EHMT1: variants seen among roughly 807,000 people sequenced by gnomAD.
EHMT1 encodes euchromatic histone lysine methyltransferase 1, also known as histone-lysine N-methyltransferase EHMT1.
Under a neutral mutation model 147.2 loss-of-function variants are expected in EHMT1, and 15 were observed. That is an observed-to-expected ratio of 0.10 (90% CI 0.07 to 0.16). The LOEUF is 0.16. Ranked by LOEUF, EHMT1 falls within the 10% of genes least tolerant of loss-of-function variation. The pLI is 1.00. For missense variants in EHMT1, 1,587 were observed against 1,772.4 expected (o/e 0.90, Z 1.88); for synonymous variants, 795 against 709.6 (o/e 1.12, Z -1.91).
At chr9:137,667,541 G>A (rs1045566472) in intron 1 of EHMT1, 3 of 152,322 alleles carry the variant, frequency 2.0e-5, no homozygotes, top group African/African-American at 7.2e-5. Context: ...GGCATGTGGG[G>A]AAAGCAGGAC....
At chr9:137,824,776 T>G (rs1955692399) in intron 25 of EHMT1, among the ~76,000 whole-genome samples, 2 of 152,244 alleles carry the variant, frequency 1.3e-5, no homozygotes, top group Non-Finnish European at 2.9e-5. Context: ...TTAAATTTCA[T>G]CTTCCAGTTG....
chr9:137,674,252 C>A (rs1941003434), intron 1 of EHMT1, among the ~76,000 whole-genome samples: 1 of 152,202 alleles, frequency 6.6e-6, no homozygotes, highest in Non-Finnish European at 1.5e-5. Context: ...ACCAGGGCCT[C>A]CTGAAGGCCA....
chr9:137,793,318 A>G (rs531276217), intron 16 of EHMT1, among the ~76,000 whole-genome samples: 29 of 152,254 alleles, frequency 1.9e-4, no homozygotes, highest in Non-Finnish European at 4.1e-4. Flanking sequence ...GAAGGCCCAC[A>G]AGGGCCATTT....
At chr9:137,621,615 G>GA (rs143474828) in intron 1 of EHMT1, among the ~76,000 whole-genome samples, 23 of 145,974 alleles carry the variant, frequency 1.6e-4, no homozygotes, top group Admixed American at 2.7e-4. Context: ...ACTGTCTCAG[G>GA]AAAAAAAAAA....
At chr9:137,834,659 G>C in intron 26 of EHMT1, 114 bp from the exon 27 acceptor site, 1 of 1,596,394 alleles carries the variant, frequency 6.3e-7, no homozygotes, top group Non-Finnish European at 8.6e-7. Flanking sequence ...CTGCGACCTG[G>C]GATGCGGCAC....
At chr9:137,743,302 T>G in intron 4 of EHMT1, 69 bp from the exon 5 acceptor site, 1 of 1,521,366 alleles carries the variant, frequency 6.6e-7, no homozygotes, top group Non-Finnish European at 8.8e-7. Context: ...GTCTCTTACC[T>G]TTGAAAAACA....
At chr9:137,780,947 A>G (rs1477501256) in intron 14 of EHMT1, among the ~76,000 whole-genome samples, 1 of 109,696 alleles carries the variant, frequency 9.1e-6, no homozygotes, top group South Asian at 3.4e-4. Flanking sequence ...CATCACTGAG[A>G]TGTGTGGTGA....
chr9:137,750,715 G>A (rs372120198), intron 6 of EHMT1, among the ~76,000 whole-genome samples: 1 of 152,294 alleles, frequency 6.6e-6, no homozygotes, highest in Admixed American at 6.5e-5. Flanking sequence ...GTAGTGGTGG[G>A]GACTGTGCAC....
chr9:137,664,952 C>T (rs1409371771), intron 1 of EHMT1: 1 of 152,164 alleles, frequency 6.6e-6, no homozygotes, highest in East Asian at 1.9e-4. Context: ...GTTGGTGCGT[C>T]TCCTCCCTGG....
chr9:137,702,539 C>T (rs566154929), intron 1 of EHMT1, among the ~76,000 whole-genome samples: 157 of 152,322 alleles, frequency 1.0e-3, no homozygotes, highest in Admixed American at 2.9e-3. Flanking sequence ...GCTCCCAAGG[C>T]CTTGGGCAGC....
At chr9:137,708,571 C>T (rs1056958400) in intron 1 of EHMT1, among the ~76,000 whole-genome samples, 5 of 152,132 alleles carry the variant, frequency 3.3e-5, no homozygotes, top group African/African-American at 7.2e-5. Context: ...CTAATGATAC[C>T]GCTCATGTAA....
intron 6 of EHMT1, chr9:137,747,789 C>T (rs1388904647): frequency 6.6e-6 from 1 of 152,168 alleles, no homozygotes; most frequent in Non-Finnish European, 1.5e-5. Context: ...ATTCTGGTGG[C>T]ACTGCAGAAG....
At chr9:137,801,100 T>C (rs1321704540) in intron 18 of EHMT1, 116 bp downstream of exon 18, 2 of 876,460 alleles carry the variant, frequency 2.3e-6, no homozygotes, top group Non-Finnish European at 3.7e-6. Flanking sequence ...CTTTGACCTC[T>C]TCCTGTGGCA....
chr9:137,800,680 A>G (rs776489423), intron 17 of EHMT1, 200 bp from the exon 18 acceptor site: 7 of 604,424 alleles, frequency 1.2e-5, no homozygotes, highest in South Asian at 1.9e-5. Flanking sequence ...TTCTGCCTTC[A>G]TCCTGCGCTT....
At chr9:137,808,813 C>G (rs759408388) in intron 18 of EHMT1, among the ~76,000 whole-genome samples, 13 of 152,138 alleles carry the variant, frequency 8.5e-5, no homozygotes, top group African/African-American at 1.4e-4. Flanking sequence ...ATCCCAGCTA[C>G]TGGGGAGGCT....
At chr9:137,726,087 C>CGTGTGTGT (rs34091165) in intron 3 of EHMT1, among the ~76,000 whole-genome samples, 10 of 150,742 alleles carry the variant, frequency 6.6e-5, no homozygotes, top group African/African-American at 2.2e-4. Flanking sequence ...GGTGCCTTGT[C>CGTGTGTGT]GTGTGTGTGT....
intron 1 of EHMT1, among the ~76,000 whole-genome samples, chr9:137,620,801 C>A (rs71510836): frequency 0.13 from 19,431 of 152,174 alleles, 1,739 homozygotes; most frequent in Admixed American, 0.28. Context: ...AATACATGAC[C>A]GATGAGCAAA....
At chr9:137,677,224 C>G (rs1941443097) in intron 1 of EHMT1, among the ~76,000 whole-genome samples, 1 of 152,074 alleles carries the variant, frequency 6.6e-6, no homozygotes. Flanking sequence ...ACCTCCACCT[C>G]CCAGGTTTAA....
Position 137,744,107 on chromosome 9 carries a change from T to C in EHMT1, c.1170+17T>C, listed in dbSNP as rs1948347397. 2 of 1,613,494 alleles carry C rather than the reference T, an allele frequency of 1.2e-6. No individual in the cohort carries two copies. Among genetic ancestry groups the C allele is most frequent in the African/African-American group, 1.3e-5 (1 of 74,940 alleles). On this transcript the variant is annotated intron_variant, in intron 6 of 26. Coordinates refer to ENST00000460843, the MANE Select transcript of EHMT1 (RefSeq NM_024757.5). ...GCCCAGAAGGTATGTGTTGCTGTCT[T>C]GGGTGACAGCACAAGGAAAGAGCAT...
Sources: allele counts gnomAD v4.1 joint callset (sites outside exome capture counted in the v4.1 genomes callset), GRCh38; gene constraint gnomAD v4.1.1; transcripts MANE v1.5; gene names NCBI Gene and HGNC (gene_info 2026-07-23, HGNC 2026-07-21).